GSK3B: variants seen among roughly 807,000 people sequenced by gnomAD.
The protein encoded by GSK3B is glycogen synthase kinase 3 beta, also known as glycogen synthase kinase-3 beta.
In GSK3B, 15 loss-of-function variants were observed where a neutral mutation model predicts 56.4. That is an observed-to-expected ratio of 0.27 (90% CI 0.18 to 0.41). The LOEUF is 0.41. GSK3B is among the 10% of genes least tolerant of loss of function. GSK3B has a pLI of 1.00. For missense variants in GSK3B, 300 were observed against 513.4 expected (o/e 0.58, Z 4.02); for synonymous variants, 181 against 188.9 (o/e 0.96, Z 0.34).
intron 1 of GSK3B, among the ~76,000 whole-genome samples, chr3:120,071,527 T>C (rs570374984): frequency 1.3e-5 from 2 of 152,142 alleles, no homozygotes; most frequent in African/African-American, 4.8e-5. Flanking sequence ...CAGATTCTCA[T>C]AGGAGCGTGA....
At chr3:119,943,505 A>G (rs2057070278) in intron 3 of GSK3B, among the ~76,000 whole-genome samples, 2 of 152,226 alleles carry the variant, frequency 1.3e-5, no homozygotes, top group Admixed American at 6.5e-5. Flanking sequence ...ACAGAACTGA[A>G]GTCAAAGGTC....
intron 3 of GSK3B, among the ~76,000 whole-genome samples, chr3:119,928,015 T>A (rs977468752): frequency 6.6e-6 from 1 of 152,192 alleles, no homozygotes; most frequent in Non-Finnish European, 1.5e-5. Flanking sequence ...TCTTGGTGTA[T>A]CTTGGTTCAG....
intron 3 of GSK3B, among the ~76,000 whole-genome samples, chr3:119,938,957 G>T (rs183039673): frequency 2.2e-4 from 33 of 150,992 alleles, no homozygotes; most frequent in African/African-American, 7.3e-4. Flanking sequence ...CCATGCTGCT[G>T]AGAATTACAC....
chr3:120,014,129 T>A (rs2057803788), intron 1 of GSK3B, among the ~76,000 whole-genome samples: 1 of 132,666 alleles, frequency 7.5e-6, no homozygotes, highest in Admixed American at 7.6e-5. Flanking sequence ...AGTGAGACTC[T>A]GTCAAAAAAA....
At position 119,848,706 on chromosome 3, in the gene GSK3B, T is replaced by G. The variant is rs12633127; in HGVS notation, c.1097-5353A>C. On this transcript the variant is annotated intron_variant, in intron 9 of 10. Transcript: ENST00000264235. ...AATAATATTTATTCAAATCAGTACC[T>G]AAACATCTAAATTTTGTACTAAATT... Among the ~76,000 whole-genome samples the G allele has an allele frequency of 0.026, 3,985 of 152,268 alleles. 351 individuals are homozygous for G. The East Asian group carries it at 0.34, about 13-fold the overall frequency.
chr3:120,029,046 T>C (rs1371384383), intron 1 of GSK3B: 2 of 679,442 alleles, frequency 2.9e-6, no homozygotes, highest in Non-Finnish European at 2.6e-6. Flanking sequence ...CTTTATTTTT[T>C]ACTGTTGGGT....
In GSK3B at chr3:119,843,259, C is replaced by A; in HGVS notation, c.1191G>T (p.Ala397=). ...AGAGACTTAGAACGTTCTTACCTGA[C>A]GCTGCTGTGGCATTTGTGGGGGTTG... is the stretch of plus-strand genomic sequence containing the variant. ...AASTPTNATA[A]SDANTGDRGQ... Residue 397 remains alanine, a synonymous_variant, in exon 10 of 11, where the codon GCG becomes GCT. Transcript: ENST00000264235. 1 of 1,597,410 alleles carries A rather than the reference C, an allele frequency of 6.3e-7. No homozygotes were observed. The highest frequency in any genetic ancestry group is 8.6e-7 in the Non-Finnish European group (1 of 1,166,734).
intron 8 of GSK3B, among the ~76,000 whole-genome samples, chr3:119,868,118 A>G (rs1035970974): frequency 6.6e-6 from 1 of 152,100 alleles, no homozygotes; most frequent in Non-Finnish European, 1.5e-5. Flanking sequence ...AAGAAGAAGA[A>G]GAAAGAAAAG....
chr3:119,937,560 C>T (rs2057007422), intron 3 of GSK3B, among the ~76,000 whole-genome samples: 1 of 152,028 alleles, frequency 6.6e-6, no homozygotes, highest in African/African-American at 2.4e-5. Flanking sequence ...TAAGATAATA[C>T]TCTTAAACAA....
At chr3:119,995,234 T>A (rs919775524) in intron 2 of GSK3B, among the ~76,000 whole-genome samples, 3 of 151,456 alleles carry the variant, frequency 2.0e-5, no homozygotes, top group African/African-American at 7.3e-5. Flanking sequence ...CTTGGGAGGC[T>A]GAGGTAGGAG....
At chr3:119,924,709 T>A (rs963321932) in intron 3 of GSK3B, among the ~76,000 whole-genome samples, 6 of 152,190 alleles carry the variant, frequency 3.9e-5, no homozygotes, top group Admixed American at 3.9e-4. Context: ...TCCATCATTA[T>A]CCTCTCTAAC....
chr3:120,025,881 A>T (rs2057918759), intron 1 of GSK3B, among the ~76,000 whole-genome samples: 1 of 152,212 alleles, frequency 6.6e-6, no homozygotes, highest in South Asian at 2.1e-4. Context: ...ACCTTGAGGA[A>T]GTCAAGCAAT....
rs555111001 is a variant in GSK3B, at chr3:119,953,462, C to A, written c.283-6111G>T. On this transcript the variant is annotated intron_variant, in intron 2 of 10. Transcript: ENST00000264235. ...AATACTTTAGATTCAAAGACACAAA[C>A]AACTTAAAAGTAAAAGGATGAAAAA... 7.3e-5 allele frequency among the ~76,000 whole-genome samples: 11 copies of A among 150,436 alleles called. 1 individual carries two copies. The South Asian group carries it at 2.3e-3, about 31-fold the overall frequency.
intron 7 of GSK3B, among the ~76,000 whole-genome samples, chr3:119,890,104 T>C (rs1427211974): frequency 6.6e-6 from 1 of 152,098 alleles, no homozygotes; most frequent in African/African-American, 2.4e-5. Flanking sequence ...ACCATACACT[T>C]ACCATATGAT....
intron 2 of GSK3B, among the ~76,000 whole-genome samples, chr3:119,957,014 TTTTA>T (rs1348759607): frequency 2.0e-5 from 3 of 152,202 alleles, no homozygotes; most frequent in Non-Finnish European, 4.4e-5. Context: ...TTGTTATAAA[TTTTA>T]TTTACAAACA....
chr3:120,041,142 CA>C (rs755120486), intron 1 of GSK3B: 2 of 165,742 alleles, frequency 1.2e-5, no homozygotes, highest in Non-Finnish European at 2.6e-5. Flanking sequence ...GGTGGCTCTG[CA>C]AAACATGCAG....
intron 1 of GSK3B, among the ~76,000 whole-genome samples, chr3:120,078,252 A>T (rs2058383298): frequency 6.6e-6 from 1 of 152,214 alleles, no homozygotes; most frequent in Non-Finnish European, 1.5e-5. Context: ...ACAAAAAAAG[A>T]TGTGTTTTTA....
chr3:119,922,841 C>G (rs967920401), intron 4 of GSK3B, among the ~76,000 whole-genome samples: 1 of 151,990 alleles, frequency 6.6e-6, no homozygotes. Flanking sequence ...TAGATAAATA[C>G]CTAGCCATTC....
At chr3:119,999,992 A>T (rs1178034353) in intron 2 of GSK3B, among the ~76,000 whole-genome samples, 2 of 152,234 alleles carry the variant, frequency 1.3e-5, no homozygotes, top group Non-Finnish European at 2.9e-5. Context: ...GAACTCTGGG[A>T]TTATTCTAGT....
Sources: gnomAD v4.1 joint callset for allele counts (sites outside exome capture counted in the v4.1 genomes callset) on GRCh38, gnomAD v4.1.1 for gene constraint, MANE v1.5 for transcripts, NCBI Gene and HGNC (gene_info 2026-07-23, HGNC 2026-07-21) for gene names.